The following USP9X variants were observed in gnomAD, a reference collection of about 807,000 sequenced individuals.
USP9X encodes the protein ubiquitin carboxyl-terminal hydrolase 9X.
USP9X carries 7 observed loss-of-function variants against 190.3 expected under a neutral mutation model. The ratio of observed to expected loss-of-function variants is 0.04; its 90% CI spans 0.02 to 0.07. The LOEUF is 0.07. Among genes scored for constraint, USP9X ranks in the 10% least tolerant of loss-of-function variants. The pLI is 1.00. For missense variants in USP9X, 1,010 were observed against 1,916.9 expected, an observed-to-expected ratio of 0.53 and a Z score of 8.83; for synonymous variants, 645 against 659.5, an observed-to-expected ratio of 0.98 and a Z score of 0.34.
chrX:41,151,150 A>C (rs769367632), intron 13 of USP9X, 93 bp downstream of exon 13: 1 of 904,144 alleles, frequency 1.1e-6, no homozygotes, highest in South Asian at 2.8e-5. Context: ...GCAAATTTTT[A>C]AATTAGTGGA....
intron 13 of USP9X, 73 bp downstream of exon 13, chrX:41,151,130 G>A (rs899232477): frequency 1.2e-5 from 12 of 1,018,936 alleles, no homozygotes; most frequent in Non-Finnish European, 1.6e-5. Context: ...CAGCATATTG[G>A]CTGGCAAATG....
intron 28 of USP9X, 33 bp downstream of exon 28, chrX:41,196,771 A>G: frequency 9.8e-7 from 1 of 1,018,850 alleles, no homozygotes; most frequent in South Asian, 2.3e-5. Context: ...TTTATATGTC[A>G]TTATTAGTAA....
At chrX:41,120,222 C>T (rs950779891) in intron 1 of USP9X, among the ~76,000 whole-genome samples, 1 of 111,459 alleles carries the variant, frequency 9.0e-6, no homozygotes, top group Non-Finnish European at 1.9e-5. Context: ...GTTGGAATCC[C>T]ATTTTGCCAC....
chrX:41,146,664 CT>C (rs748840962), intron 11 of USP9X, among the ~76,000 whole-genome samples: 17 of 50,365 alleles, frequency 3.4e-4, no homozygotes, highest in Non-Finnish European at 4.9e-4. Flanking sequence ...AGCTATTTGC[CT>C]TTTTTTTTTT....
At chrX:41,179,844 C>T (rs1279245417) in intron 21 of USP9X, among the ~76,000 whole-genome samples, 2 of 111,469 alleles carry the variant, frequency 1.8e-5, no homozygotes, top group Non-Finnish European at 3.8e-5. Context: ...GCACCCTCTT[C>T]TCCTTGCCTT....
intron 30 of USP9X, 91 bp downstream of exon 30, chrX:41,198,841 C>A (rs753569862): frequency 1.0e-5 from 9 of 863,025 alleles, no homozygotes; most frequent in Non-Finnish European, 1.4e-5. Flanking sequence ...TTCCAACTTA[C>A]GTATTTCTTT....
chrX:41,186,480 A>C (rs778699758), intron 23 of USP9X, 37 bp from the exon 24 acceptor site: 1 of 1,203,450 alleles, frequency 8.3e-7, no homozygotes, highest in Admixed American at 2.2e-5. Context: ...TTATGTACAA[A>C]TTATTTACTC....
chrX:41,131,805 A>G (rs911968506), intron 4 of USP9X, among the ~76,000 whole-genome samples: 14 of 111,705 alleles, frequency 1.3e-4, no homozygotes, highest in African/African-American at 4.2e-4. Flanking sequence ...AAACATTTTT[A>G]ATTGAGGGTC....
chrX:41,121,485 T>C (rs2062189905), intron 1 of USP9X, among the ~76,000 whole-genome samples: 1 of 111,863 alleles, frequency 8.9e-6, no homozygotes, highest in Non-Finnish European at 1.9e-5. Context: ...ACCTAAGTGG[T>C]GAAAAATACT....
intron 6 of USP9X, among the ~76,000 whole-genome samples, chrX:41,138,659 A>C (rs765914322): frequency 1.2e-4 from 13 of 112,176 alleles, no homozygotes; most frequent in Non-Finnish European, 2.1e-4. Flanking sequence ...TGTCAGGACT[A>C]TCTCTCAGAG....
At position 41,224,645 on chromosome X, in the gene USP9X, A is replaced by T. The variant is rs1471525996; in HGVS notation, c.6752-97A>T. 21 of 771,924 alleles carry T rather than the reference A, an allele frequency of 2.7e-5. No homozygotes were observed. The South Asian group carries it at 3.4e-4, about 13-fold the overall frequency. The allele number at this position is 771,924 out of a possible 1,213,427, so 63.6% of individuals were successfully genotyped here. On this transcript the variant is annotated intron_variant, in intron 39 of 44. Coordinates refer to ENST00000378308, the MANE Select transcript of USP9X (RefSeq NM_001039591.3). ...AGCGAGACTCCATCTTAAAAAAAAT[A>T]AAAAAAAATTATAGGCTATTTTCTA...
At chrX:41,156,995 A>G (rs1311391091) in intron 14 of USP9X, among the ~76,000 whole-genome samples, 2 of 111,825 alleles carry the variant, frequency 1.8e-5, no homozygotes, top group Non-Finnish European at 3.8e-5. Flanking sequence ...GGGGTCAGGA[A>G]TGCTACGTGT....
chrX:41,228,123 A>G lies in USP9X; in HGVS notation c.7062-1130A>G, dbSNP rs895038675. ...GTCTCTGTGGATTTGCCTCTTCCAGACATTTGGTAAAAACGAAATCATGCA... is the reference window on the plus strand; with the variant it reads ...GTCTCTGTGGATTTGCCTCTTCCAGGCATTTGGTAAAAACGAAATCATGCA... On this transcript the variant is annotated intron_variant, in intron 41 of 44. Coordinates refer to ENST00000378308, the MANE Select transcript of USP9X (RefSeq NM_001039591.3). Among the ~76,000 whole-genome samples, 7 of 111,880 alleles carry G rather than the reference A, an allele frequency of 6.3e-5. No homozygotes were observed. In the East Asian group the frequency reaches 1.9e-3, roughly 31 times the overall value.
In USP9X at chrX:41,202,820, A is replaced by G. The variant is rs766495989; in HGVS notation, c.4824+1540A>G. Among the ~76,000 whole-genome samples, 4 of 112,379 alleles carry G rather than the reference A, an allele frequency of 3.6e-5. No homozygotes were observed. In the East Asian group the frequency reaches 1.1e-3, roughly 31 times the overall value. On this transcript the variant is annotated intron_variant, in intron 31 of 44. Transcript: ENST00000378308. ...GATATAGGTAATTGTACTGGCAAGA[A>G]GTAAATGAGGCATAGAAAATATAAC...
At chrX:41,170,921 A>G (rs772090849) in intron 20 of USP9X, among the ~76,000 whole-genome samples, 16 of 111,904 alleles carry the variant, frequency 1.4e-4, no homozygotes, top group Admixed American at 4.7e-4. Flanking sequence ...CATCCCTCGT[A>G]TACGTGGAGA....
chrX:41,086,414 A>G (rs2061911898), intron 1 of USP9X, among the ~76,000 whole-genome samples: 1 of 110,570 alleles, frequency 9.0e-6, no homozygotes, highest in Non-Finnish European at 1.9e-5. Context: ...GCCGAGTAGG[A>G]GGATGGAGTC....
chrX:41,231,423 T>G (rs2063358682), intron 44 of USP9X, among the ~76,000 whole-genome samples: 1 of 111,457 alleles, frequency 9.0e-6, no homozygotes, highest in Non-Finnish European at 1.9e-5. Flanking sequence ...CGTACTTATT[T>G]TCATCTATAG....
intron 32 of USP9X, 27 bp from the exon 33 acceptor site, chrX:41,210,482 A>G: frequency 8.3e-7 from 1 of 1,198,245 alleles, no homozygotes; most frequent in South Asian, 1.8e-5. Context: ...GTTACATGTT[A>G]CATGTTTTAT....
chrX:41,218,506 C>T lies in USP9X; in HGVS notation c.6344C>T (p.Ala2115Val), dbSNP rs759088685. ...TGCCCTAGTGCAGAAGTGAGGGGTG[C>T]GTTTGCAAAACTTATAGTCTTTATT... Reference protein sequence around the residue: ...LECPSAEVRGAFAKLIVFIAH... With the variant: ...LECPSAEVRGVFAKLIVFIAH... The change falls in exon 37 of 45, where the codon GCG (alanine) becomes GTG (valine). Residue 2115 changes from alanine to valine, a missense_variant. By Grantham distance (64) the Ala-to-Val change is moderately conservative. Transcript: ENST00000378308. 35 of 1,209,569 alleles carry T rather than the reference C, an allele frequency of 2.9e-5. No homozygotes were observed. The highest frequency in any genetic ancestry group is 3.5e-5 in the South Asian group (2 of 56,845).
Sources: allele counts gnomAD v4.1 joint callset (sites outside exome capture counted in the v4.1 genomes callset), GRCh38; gene constraint gnomAD v4.1.1; transcripts MANE v1.5; gene names NCBI Gene and HGNC (gene_info 2026-07-23, HGNC 2026-07-21).